ERBB4: variants seen among roughly 807,000 people sequenced by gnomAD.
ERBB4 encodes the protein erb-b2 receptor tyrosine kinase 4.
Under a neutral mutation model 158.0 loss-of-function variants are expected in ERBB4, and 42 were observed. The observed-to-expected ratio is 0.27, with a 90% CI of 0.21 to 0.34. The LOEUF (loss-of-function observed/expected upper bound fraction) is 0.34, where lower values mean the gene tolerates loss of function less well. ERBB4 is among the 10% of genes least tolerant of loss of function. ERBB4 has a pLI of 1.00. For missense variants in ERBB4, 1,333 were observed against 1,624.1 expected (o/e 0.82, Z 3.08); for synonymous variants, 583 against 558.7 (o/e 1.04, Z -0.61).
intron 3 of ERBB4, among the ~76,000 whole-genome samples, chr2:211,884,692 C>CT (rs1329100678): frequency 6.6e-6 from 1 of 152,200 alleles, no homozygotes; most frequent in Non-Finnish European, 1.5e-5. Context: ...AGAGCATCAT[C>CT]TGAGGTAACA....
chr2:212,312,453 C>A (rs960624641), intron 1 of ERBB4, among the ~76,000 whole-genome samples: 3 of 150,880 alleles, frequency 2.0e-5, no homozygotes, highest in African/African-American at 7.3e-5. Flanking sequence ...AATAAAATGT[C>A]TATTTTAGCC....
At chr2:211,678,300 CAAA>C (rs66468350) in intron 13 of ERBB4, among the ~76,000 whole-genome samples, 4 of 96,578 alleles carry the variant, frequency 4.1e-5, no homozygotes, top group African/African-American at 1.6e-4. Flanking sequence ...AACAAACAAA[CAAA>C]AAAAAACAAA....
At chr2:211,554,580 A>C (rs1304365252) in intron 20 of ERBB4, among the ~76,000 whole-genome samples, 5 of 152,216 alleles carry the variant, frequency 3.3e-5, no homozygotes, top group African/African-American at 4.8e-5. Context: ...TCCTGTAGAC[A>C]CCACAGGTAC....
intron 20 of ERBB4, among the ~76,000 whole-genome samples, chr2:211,536,209 G>C (rs527788271): frequency 6.6e-6 from 1 of 152,120 alleles, no homozygotes; most frequent in Admixed American, 6.5e-5. Flanking sequence ...TTTTTCAGCT[G>C]AAAGGAAATT....
intron 1 of ERBB4, among the ~76,000 whole-genome samples, chr2:212,213,854 TA>T (rs1384829281): frequency 6.6e-6 from 1 of 151,778 alleles, no homozygotes; most frequent in Admixed American, 6.6e-5. Flanking sequence ...GAATTTCAAA[TA>T]AGGTTTTCAG....
intron 4 of ERBB4, among the ~76,000 whole-genome samples, chr2:211,782,572 C>T (rs1364542508): frequency 6.6e-6 from 1 of 152,010 alleles, no homozygotes; most frequent in Non-Finnish European, 1.5e-5. Flanking sequence ...AAGTTGCCCT[C>T]TAAAATTTAA....
intron 1 of ERBB4, among the ~76,000 whole-genome samples, chr2:212,176,131 C>T (rs1419243394): frequency 1.3e-5 from 2 of 151,940 alleles, no homozygotes; most frequent in Non-Finnish European, 2.9e-5. Flanking sequence ...ATGATCTAGT[C>T]TTTGATTATA....
At chr2:211,821,424 T>C (rs527732717) in intron 3 of ERBB4, among the ~76,000 whole-genome samples, 2 of 151,938 alleles carry the variant, frequency 1.3e-5, no homozygotes, top group Non-Finnish European at 2.9e-5. Context: ...ATAATTAATA[T>C]TGTTAAAATG....
At chr2:212,257,636 A>G (rs982257327) in intron 1 of ERBB4, among the ~76,000 whole-genome samples, 8 of 152,288 alleles carry the variant, frequency 5.3e-5, no homozygotes, top group Admixed American at 2.0e-4. Context: ...ACCCTGCTCA[A>G]TGTTGCATAA....
In ERBB4 at chr2:211,772,852, T is replaced by TACAC. The variant is rs1455935012; in HGVS notation, c.556+15172_556+15173insGTGT. Among the ~76,000 whole-genome samples the TACAC allele has an allele frequency of 7.0e-5, 4 of 57,132 alleles. 1 individual carries two copies. The highest frequency in any genetic ancestry group is 2.4e-4 in the African/African-American group (3 of 12,464). The allele number at this position is 57,132 out of a possible 152,430, so 37.5% of individuals were successfully genotyped here. A position where few individuals can be genotyped will look rare whatever the true frequency, so the allele number is the denominator to read the frequency against. ...ATATATATACACATATATATATATATATATATATATATATATACACATATA... is the reference window on the plus strand; with the variant it reads ...ATATATATACACATATATATATATATACACATATATATATATATATACACATATA... On this transcript the variant is annotated intron_variant, in intron 4 of 27. Transcript: ENST00000342788.
At chr2:212,326,514 A>C (rs1461051933) in intron 1 of ERBB4, among the ~76,000 whole-genome samples, 5 of 150,910 alleles carry the variant, frequency 3.3e-5, no homozygotes, top group African/African-American at 1.2e-4. Context: ...ATTCATTTGA[A>C]TACGCTTTAG....
chr2:212,473,040 T>C (rs763869789), intron 1 of ERBB4, among the ~76,000 whole-genome samples: 2 of 151,896 alleles, frequency 1.3e-5, no homozygotes, highest in Non-Finnish European at 2.9e-5. Context: ...TTTAAGAAAG[T>C]TGAATATAGA....
Position 212,497,187 on chromosome 2 carries a change from A to AC in ERBB4, c.82+41261_82+41262insG, listed in dbSNP as rs1560483942. The stretch of plus-strand genomic sequence containing the variant: ...GAGCAAAACTCCATCTCAAAAAAAA[A>AC]AAAAAAAAAACCCTATATTTTTAAA... On this transcript the variant is annotated intron_variant, in intron 1 of 27. Transcript: ENST00000342788. 1.3e-4 allele frequency among the ~76,000 whole-genome samples: 10 copies of AC among 75,084 alleles called. No homozygotes were observed. In the African/African-American group the frequency reaches 1.5e-3, roughly 12 times the overall value. 49.3% of individuals were successfully genotyped at this position (75,084 alleles called of 152,430 possible).
At chr2:211,726,069 G>C (rs1266129171) in intron 5 of ERBB4, among the ~76,000 whole-genome samples, 1 of 152,024 alleles carries the variant, frequency 6.6e-6, no homozygotes, top group Non-Finnish European at 1.5e-5. Context: ...ATATTTTTAG[G>C]GTATTTAAGG....
In ERBB4 at chr2:212,063,644, T is replaced by C. The variant is rs1402930469; in HGVS notation, c.234+61108A>G. On this transcript the variant is annotated intron_variant, in intron 2 of 27. Transcript: ENST00000342788. ...AAAAATGACAGAATTGAGAACATAA[T>C]AATTTAAAATTTAGGGATGGCAAAA... is the stretch of plus-strand genomic sequence containing the variant. Among the ~76,000 whole-genome samples, 3 of 152,002 alleles carry C rather than the reference T, an allele frequency of 2.0e-5. No individual in the cohort carries two copies. The East Asian group carries it at 5.8e-4, about 29-fold the overall frequency.
intron 25 of ERBB4, among the ~76,000 whole-genome samples, chr2:211,416,329 GA>G (rs1367845161): frequency 6.6e-6 from 1 of 151,528 alleles, no homozygotes; most frequent in Admixed American, 6.6e-5. Flanking sequence ...TAACAAAAAA[GA>G]AAGAAAAAAA....
intron 3 of ERBB4, among the ~76,000 whole-genome samples, chr2:211,847,860 G>A (rs1265777243): frequency 6.6e-6 from 1 of 152,050 alleles, no homozygotes; most frequent in Non-Finnish European, 1.5e-5. Context: ...GCCATTGTGT[G>A]TATTATACAA....
intron 1 of ERBB4, among the ~76,000 whole-genome samples, chr2:212,276,425 AAAGT>A (rs1484781501): frequency 6.6e-6 from 1 of 151,740 alleles, no homozygotes; most frequent in Non-Finnish European, 1.5e-5. Flanking sequence ...TGCCTTTTGG[AAAGT>A]AAGTGAGGAC....
intron 20 of ERBB4, among the ~76,000 whole-genome samples, chr2:211,489,920 T>C (rs1358492796): frequency 2.0e-5 from 3 of 152,166 alleles, no homozygotes; most frequent in African/African-American, 7.2e-5. Flanking sequence ...CAATAAGTGT[T>C]ACTGAGAAAA....
Sources: gnomAD v4.1 joint callset for allele counts (sites outside exome capture counted in the v4.1 genomes callset) on GRCh38, gnomAD v4.1.1 for gene constraint, MANE v1.5 for transcripts, NCBI Gene and HGNC (gene_info 2026-07-23, HGNC 2026-07-21) for gene names.